Variants in HS3ST4 observed in about 807,000 individuals in gnomAD.
The protein encoded by HS3ST4 is heparan sulfate glucosamine 3-O-sulfotransferase 4.
In HS3ST4, 17 loss-of-function variants were observed where a neutral mutation model predicts 29.2. That is an observed-to-expected ratio of 0.58 (90% CI 0.40 to 0.87). The LOEUF (loss-of-function observed/expected upper bound fraction) is 0.87, where lower values mean the gene tolerates loss of function less well. Ranked by LOEUF, HS3ST4 falls within the 40% of genes least tolerant of loss-of-function variation. HS3ST4 has a pLI of 0.00. For missense variants in HS3ST4, 627 were observed against 634.5 expected, an observed-to-expected ratio of 0.99 and a Z score of 0.13; for synonymous variants, 314 against 285.7, an observed-to-expected ratio of 1.10 and a Z score of -1.00.
chr16:25,699,330 C>T (rs904539768), intron 1 of HS3ST4, among the ~76,000 whole-genome samples: 10 of 152,158 alleles, frequency 6.6e-5, no homozygotes, highest in African/African-American at 2.4e-4. Flanking sequence ...TTGCAACATC[C>T]ACAAAAGCCT....
intron 1 of HS3ST4, among the ~76,000 whole-genome samples, chr16:25,891,595 C>A (rs1029598904): frequency 2.0e-5 from 3 of 152,110 alleles, no homozygotes; most frequent in African/African-American, 7.2e-5. Context: ...AAATGGATGG[C>A]ATTTCTATTA....
intron 1 of HS3ST4, among the ~76,000 whole-genome samples, chr16:25,958,235 T>C (rs987316075): frequency 3.3e-5 from 5 of 152,250 alleles, no homozygotes; most frequent in Admixed American, 3.3e-4. Flanking sequence ...TTATCTTTGC[T>C]GCGTAAGAAA....
intron 1 of HS3ST4, among the ~76,000 whole-genome samples, chr16:25,883,313 G>C (rs540049901): frequency 6.6e-6 from 1 of 152,000 alleles, no homozygotes; most frequent in East Asian, 1.9e-4. Flanking sequence ...CCTGCCTTGA[G>C]TTTCAAAGGA....
chr16:25,748,265 A>G (rs897232815), intron 1 of HS3ST4, among the ~76,000 whole-genome samples: 1 of 152,142 alleles, frequency 6.6e-6, no homozygotes, highest in Non-Finnish European at 1.5e-5. Context: ...CCCCTTTAAA[A>G]TGAACCCATA....
chr16:25,912,678 G>A (rs1044116726), intron 1 of HS3ST4, among the ~76,000 whole-genome samples: 3 of 152,180 alleles, frequency 2.0e-5, no homozygotes, highest in Admixed American at 6.5e-5. Flanking sequence ...ATTGGACAGC[G>A]TGAGTCCTGG....
At chr16:25,875,045 G>T (rs772479504) in intron 1 of HS3ST4, among the ~76,000 whole-genome samples, 8 of 152,194 alleles carry the variant, frequency 5.3e-5, no homozygotes, top group Non-Finnish European at 1.2e-4. Flanking sequence ...TAGTGTTACT[G>T]GTTTATTATC....
intron 1 of HS3ST4, among the ~76,000 whole-genome samples, chr16:25,735,196 A>G (rs536822759): frequency 2.6e-5 from 4 of 152,286 alleles, no homozygotes; most frequent in African/African-American, 9.6e-5. Context: ...AGTAGTACAC[A>G]GTGTCATGTA....
At chr16:25,706,610 C>T (rs35151597) in intron 1 of HS3ST4, among the ~76,000 whole-genome samples, 40,740 of 151,936 alleles carry the variant, frequency 0.27, 5,751 homozygotes, top group South Asian at 0.44. Flanking sequence ...TCGGCTCCCA[C>T]TTATGAATGA....
At chr16:25,989,456 G>A (rs1969095398) in intron 1 of HS3ST4, among the ~76,000 whole-genome samples, 1 of 152,196 alleles carries the variant, frequency 6.6e-6, no homozygotes, top group Non-Finnish European at 1.5e-5. Context: ...CAAAGGAAAG[G>A]TCCGATGGAT....
intron 1 of HS3ST4, among the ~76,000 whole-genome samples, chr16:26,050,139 C>T (rs1016064163): frequency 6.6e-6 from 1 of 152,176 alleles, no homozygotes; most frequent in Non-Finnish European, 1.5e-5. Flanking sequence ...ACCCTCTAAT[C>T]TGCTTTGGTC....
chr16:25,963,745 A>T (rs1183688736), intron 1 of HS3ST4, among the ~76,000 whole-genome samples: 1 of 152,238 alleles, frequency 6.6e-6, no homozygotes, highest in East Asian at 1.9e-4. Flanking sequence ...CTGAATCAGG[A>T]CAGCTTTGCT....
chr16:26,047,863 G>A (rs1337564032), intron 1 of HS3ST4, among the ~76,000 whole-genome samples: 1 of 152,170 alleles, frequency 6.6e-6, no homozygotes, highest in Non-Finnish European at 1.5e-5. Flanking sequence ...AACAGAGACT[G>A]CAGGATTTGG....
intron 1 of HS3ST4, among the ~76,000 whole-genome samples, chr16:26,028,265 A>T (rs1366957581): frequency 8.2e-6 from 1 of 121,330 alleles, no homozygotes; most frequent in Admixed American, 9.4e-5. Context: ...AGAGTGAGAC[A>T]CCGTCTCAAA....
At chr16:25,895,740 A>AAGAG (rs71738802) in intron 1 of HS3ST4, among the ~76,000 whole-genome samples, 4 of 149,148 alleles carry the variant, frequency 2.7e-5, no homozygotes, top group South Asian at 2.1e-4. Context: ...GAAAGAGGGA[A>AAGAG]AGAGAGAGAG....
chr16:25,835,529 T>C (rs1383628422), intron 1 of HS3ST4, among the ~76,000 whole-genome samples: 2 of 152,048 alleles, frequency 1.3e-5, no homozygotes, highest in African/African-American at 4.8e-5. Context: ...TGATTGAGCA[T>C]TGTACCTACC....
intron 1 of HS3ST4, among the ~76,000 whole-genome samples, chr16:26,059,501 G>A (rs114420284): frequency 0.026 from 3,996 of 152,186 alleles, 207 homozygotes; most frequent in African/African-American, 0.09. Context: ...AATAGGCATC[G>A]TACAAAAACT....
intron 1 of HS3ST4, among the ~76,000 whole-genome samples, chr16:26,123,973 T>C (rs571000224): frequency 3.3e-5 from 5 of 151,972 alleles, no homozygotes; most frequent in African/African-American, 1.2e-4. Flanking sequence ...CAGACTGGAG[T>C]GCAATGGTGC....
At chr16:25,795,417 T>C (rs1446319121) in intron 1 of HS3ST4, among the ~76,000 whole-genome samples, 2 of 152,216 alleles carry the variant, frequency 1.3e-5, no homozygotes, top group East Asian at 1.9e-4. Flanking sequence ...TTTCAGTTAT[T>C]GTAGTTTTCA....
chr16:26,051,953 C>G (rs1213084458), intron 1 of HS3ST4, among the ~76,000 whole-genome samples: 1 of 137,518 alleles, frequency 7.3e-6, no homozygotes, highest in Middle Eastern at 3.6e-3. Context: ...TTCCTTCCTT[C>G]CTTCCTTCCT....
Sources: gnomAD v4.1 joint callset for allele counts (sites outside exome capture counted in the v4.1 genomes callset) on GRCh38, gnomAD v4.1.1 for gene constraint, MANE v1.5 for transcripts, NCBI Gene and HGNC (gene_info 2026-07-23, HGNC 2026-07-21) for gene names.